Variants in IL1RAPL2 observed in about 807,000 individuals in gnomAD.
IL1RAPL2 encodes the protein X-linked interleukin-1 receptor accessory protein-like 2.
In IL1RAPL2, 3 loss-of-function variants were observed where a neutral mutation model predicts 44.1. The observed-to-expected ratio is 0.07, with a 90% CI of 0.03 to 0.18. The LOEUF (loss-of-function observed/expected upper bound fraction) is 0.18, where lower values mean the gene tolerates loss of function less well. IL1RAPL2 is among the 10% of genes least tolerant of loss of function. The pLI, the probability that IL1RAPL2 is intolerant of heterozygous loss-of-function variation, is 1.00. For synonymous variants in IL1RAPL2, 181 were observed against 178.8 expected, an observed-to-expected ratio of 1.01 and a Z score of -0.10; for missense variants, 391 against 496.4, an observed-to-expected ratio of 0.79 and a Z score of 2.02.
At chrX:104,625,724 T>C (rs760935468) in intron 1 of IL1RAPL2, among the ~76,000 whole-genome samples, 1 of 111,462 alleles carries the variant, frequency 9.0e-6, no homozygotes, top group South Asian at 3.8e-4. Flanking sequence ...TAAAGAAATG[T>C]GGCCCCTCGT....
intron 2 of IL1RAPL2, among the ~76,000 whole-genome samples, chrX:105,047,668 C>A (rs2147525601): frequency 9.0e-6 from 1 of 111,679 alleles, no homozygotes; most frequent in East Asian, 2.8e-4. Flanking sequence ...AAAGTGCCTG[C>A]TCTAGCTTAA....
At chrX:105,493,607 T>C (rs767104227) in intron 6 of IL1RAPL2, among the ~76,000 whole-genome samples, 2 of 111,294 alleles carry the variant, frequency 1.8e-5, no homozygotes, top group Non-Finnish European at 3.8e-5. Flanking sequence ...ATGAGGAAAA[T>C]GGGCTCGGAG....
At chrX:105,080,254 T>C (rs2032384734) in intron 2 of IL1RAPL2, among the ~76,000 whole-genome samples, 1 of 112,219 alleles carries the variant, frequency 8.9e-6, no homozygotes, top group Middle Eastern at 4.6e-3. Flanking sequence ...TTGGCTTTTG[T>C]TGCCATTGAA....
chrX:104,592,717 AG>A (rs1188228588), intron 1 of IL1RAPL2, among the ~76,000 whole-genome samples: 1 of 111,793 alleles, frequency 8.9e-6, no homozygotes, highest in African/African-American at 3.2e-5. Context: ...GCATTTCCCC[AG>A]ACCCTCAAAT....
chrX:104,672,357 T>A (rs1459280963), intron 2 of IL1RAPL2, among the ~76,000 whole-genome samples: 1 of 110,932 alleles, frequency 9.0e-6, no homozygotes, highest in African/African-American at 3.3e-5. Context: ...TTTGGTTTTT[T>A]GTTCTTGTGA....
chrX:105,419,042 T>A (rs1242187870), intron 5 of IL1RAPL2, among the ~76,000 whole-genome samples: 1 of 111,997 alleles, frequency 8.9e-6, no homozygotes, highest in Non-Finnish European at 1.9e-5. Flanking sequence ...AGATTGGTTT[T>A]ATATTTAAGT....
rs1273901318 is a variant in IL1RAPL2 at position 104,901,553 on chromosome X, G to A, written c.82+242558G>A. 3.6e-5 allele frequency among the ~76,000 whole-genome samples: 4 copies of A among 110,324 alleles called. No homozygotes were observed. In the East Asian group the frequency reaches 1.1e-3, roughly 31 times the overall value. On this transcript the variant is annotated intron_variant, in intron 2 of 10. Transcript: ENST00000372582. ...CCAGGTCATGTATTTTAAGAGCCTG[G>A]CAGGCTCTAAAATTTGATTTGGCAG... is the stretch of plus-strand genomic sequence containing the variant.
chrX:105,726,216 A>G (rs1265103666), intron 7 of IL1RAPL2, among the ~76,000 whole-genome samples: 2 of 111,935 alleles, frequency 1.8e-5, no homozygotes, highest in Admixed American at 1.9e-4. Context: ...TTGCAAAAGC[A>G]TTTCACATCT....
At chrX:105,648,225 G>A (rs1042782878) in intron 6 of IL1RAPL2, among the ~76,000 whole-genome samples, 1 of 111,324 alleles carries the variant, frequency 9.0e-6, no homozygotes, top group Admixed American at 9.6e-5. Context: ...AAAACTGCTA[G>A]ATAATATACA....
chrX:104,719,481 T>C (rs1358873239), intron 2 of IL1RAPL2, among the ~76,000 whole-genome samples: 2 of 111,629 alleles, frequency 1.8e-5, no homozygotes, highest in African/African-American at 6.5e-5. Flanking sequence ...TTTTTAGCCA[T>C]TGAACAAAAG....
chrX:105,000,261 C>T (rs755805327), intron 2 of IL1RAPL2, among the ~76,000 whole-genome samples: 1 of 112,221 alleles, frequency 8.9e-6, no homozygotes, highest in South Asian at 3.7e-4. Context: ...TCTGTTACTA[C>T]TATGGAATTG....
rs758931941 is a variant in IL1RAPL2 at position 104,946,757 on chromosome X, A to G, written c.83-248718A>G. On this transcript the variant is annotated intron_variant, in intron 2 of 10. Transcript: ENST00000372582. ...AAAGGACATGAACTCATCCTTTTTTATGGCTGCATAGTATTCCATGGTGTA... is the reference window on the plus strand; with the variant it reads ...AAAGGACATGAACTCATCCTTTTTTGTGGCTGCATAGTATTCCATGGTGTA... Among the ~76,000 whole-genome samples the G allele has an allele frequency of 4.0e-5, 4 of 99,396 alleles. No individual in the cohort carries two copies. In the East Asian group the frequency reaches 1.3e-3, roughly 33 times the overall value. 86.3% of individuals were successfully genotyped at this position (99,396 alleles called of 115,157 possible). A position where few individuals can be genotyped will look rare whatever the true frequency, so the allele number is the denominator to read the frequency against.
At chrX:105,535,052 A>G (rs2036667967) in intron 6 of IL1RAPL2, among the ~76,000 whole-genome samples, 1 of 112,103 alleles carries the variant, frequency 8.9e-6, no homozygotes, top group Admixed American at 9.5e-5. Flanking sequence ...TTTGCTCTGC[A>G]AAAGACACTG....
chrX:104,647,523 T>A (rs1047913165), intron 1 of IL1RAPL2: 19 of 525,549 alleles, frequency 3.6e-5, no homozygotes, highest in Non-Finnish European at 6.2e-5. Flanking sequence ...AGCCCAAAGG[T>A]GGCTGCTCAC....
intron 2 of IL1RAPL2, among the ~76,000 whole-genome samples, chrX:105,182,510 T>TACAAGAAA (rs1410911245): frequency 1.8e-5 from 2 of 111,985 alleles, no homozygotes; most frequent in African/African-American, 6.5e-5. Context: ...TTTTACTTTG[T>TACAAGAAA]CTATGTCTTT....
chrX:105,474,957 T>C (rs2036188633), intron 5 of IL1RAPL2, among the ~76,000 whole-genome samples: 1 of 111,130 alleles, frequency 9.0e-6, no homozygotes. Flanking sequence ...AGATAGACTT[T>C]GGTTGAATCT....
chrX:105,689,088 A>T (rs2038012382), intron 6 of IL1RAPL2, among the ~76,000 whole-genome samples: 1 of 112,189 alleles, frequency 8.9e-6, no homozygotes, highest in Admixed American at 9.5e-5. Context: ...TGGATTAAAG[A>T]CTTAAATGTT....
At chrX:105,058,106 G>A (rs2032021421) in intron 2 of IL1RAPL2, among the ~76,000 whole-genome samples, 1 of 106,291 alleles carries the variant, frequency 9.4e-6, no homozygotes, top group African/African-American at 3.7e-5. Context: ...CTGCCACCAC[G>A]CCCGGCTATT....
At chrX:104,833,523 A>G (rs749241276) in intron 2 of IL1RAPL2, among the ~76,000 whole-genome samples, 1 of 111,905 alleles carries the variant, frequency 8.9e-6, no homozygotes, top group Admixed American at 9.5e-5. Context: ...CTTCTGAATC[A>G]TCCACTCAGA....
Sources: allele counts gnomAD v4.1 joint callset (sites outside exome capture counted in the v4.1 genomes callset), GRCh38; gene constraint gnomAD v4.1.1; transcripts MANE v1.5; gene names NCBI Gene and HGNC (gene_info 2026-07-23, HGNC 2026-07-21).